The following ALMS1 variants were observed in gnomAD, a reference collection of about 807,000 sequenced individuals.
ALMS1 encodes the protein centrosome-associated protein ALMS1.
ALMS1 carries 271 observed loss-of-function variants against 352.2 expected under a neutral mutation model. That is an observed-to-expected ratio of 0.77 (90% CI 0.70 to 0.85). The LOEUF is 0.85. Ranked by LOEUF, ALMS1 falls within the 40% of genes least tolerant of loss-of-function variation. The pLI is 0.00. For synonymous variants in ALMS1, 1,865 were observed against 1,761.2 expected, an observed-to-expected ratio of 1.06 and a Z score of -1.48; for missense variants, 5,445 against 4,870.7, an observed-to-expected ratio of 1.12 and a Z score of -3.51.
At chr2:73,396,517 A>G (rs1433947624) in intron 1 of ALMS1, among the ~76,000 whole-genome samples, 1 of 140,678 alleles carries the variant, frequency 7.1e-6, no homozygotes, top group African/African-American at 2.7e-5. Context: ...ATTCTTTGAA[A>G]GTTCGATAGG....
chr2:73,562,310 C>T (rs919132835), intron 15 of ALMS1, among the ~76,000 whole-genome samples: 2 of 152,082 alleles, frequency 1.3e-5, no homozygotes. Context: ...GGACTGTAGG[C>T]ACATGCTACC....
chr2:73,601,177 A>G lies in ALMS1; in HGVS notation c.11873-18A>G, dbSNP rs1208497762. On this transcript the variant is annotated intron_variant, in intron 18 of 22. Transcript: ENST00000613296. ...AAAGTGAAAAATCTGTGTTCCTTCT[A>G]AAAACTGTTTCCTGTAGGAGTTTCC... 1 of 1,613,952 alleles carries G rather than the reference A, an allele frequency of 6.2e-7. No individual in the cohort carries two copies. The highest frequency in any genetic ancestry group is 1.3e-5 in the African/African-American group (1 of 75,052).
chr2:73,517,048 C>T (rs528929392), intron 10 of ALMS1, among the ~76,000 whole-genome samples: 9 of 152,092 alleles, frequency 5.9e-5, no homozygotes, highest in Middle Eastern at 3.4e-3. Flanking sequence ...CCCAGCCTCC[C>T]ATACCACCAA....
intron 15 of ALMS1, among the ~76,000 whole-genome samples, chr2:73,562,141 T>TTGTA (rs3076386): frequency 0.02 from 2,952 of 151,322 alleles, 33 homozygotes; most frequent in African/African-American, 0.025. Flanking sequence ...GAACTTACAA[T>TTGTA]TGTATGTATG....
At position 73,424,777 on chromosome 2, in the gene ALMS1, C is replaced by G. The variant is rs745839558; in HGVS notation, c.1112C>G (p.Thr371Ser). 1 of 1,613,720 alleles carries G rather than the reference C, an allele frequency of 6.2e-7. No homozygotes were observed. Among genetic ancestry groups the G allele is most frequent in the South Asian group, 1.1e-5 (1 of 91,034 alleles). Residue 371 changes from threonine to serine, a missense_variant, in exon 5 of 23, where the codon ACT (threonine) becomes AGT (serine). Transcript: ENST00000613296. ...LADKDQVSVATSFDITDENIA... is the reference protein window; with the variant it reads ...LADKDQVSVASSFDITDENIA... ...GATAAAGATCAAGTTTCAGTTGCAA[C>G]TTCATTTGACATAACTGATGAAAAC...
chr2:73,442,130 A>G (rs1671731615), intron 7 of ALMS1, among the ~76,000 whole-genome samples: 1 of 152,132 alleles, frequency 6.6e-6, no homozygotes, highest in Non-Finnish European at 1.5e-5. Flanking sequence ...AATGTATATT[A>G]TATAATACAG....
At chr2:73,582,746 A>T (rs944346665) in intron 16 of ALMS1, among the ~76,000 whole-genome samples, 1 of 152,318 alleles carries the variant, frequency 6.6e-6, no homozygotes, top group Non-Finnish European at 1.5e-5. Flanking sequence ...TACTGTTTAC[A>T]TATACCACAT....
At chr2:73,386,693 G>A (rs1670542083) in intron 1 of ALMS1, among the ~76,000 whole-genome samples, 1 of 152,082 alleles carries the variant, frequency 6.6e-6, no homozygotes, top group Middle Eastern at 3.2e-3. Context: ...ACCATCATTT[G>A]TAGCAATAAA....
intron 10 of ALMS1, among the ~76,000 whole-genome samples, chr2:73,504,736 C>CT (rs146880962): frequency 0.035 from 5,215 of 148,662 alleles, 296 homozygotes; most frequent in African/African-American, 0.12. Context: ...CATTCATGTA[C>CT]TTTTTTTTTT....
intron 2 of ALMS1, among the ~76,000 whole-genome samples, chr2:73,412,795 C>CAAAAACA (rs1378742487): frequency 4.6e-5 from 7 of 151,374 alleles, no homozygotes; most frequent in Non-Finnish European, 7.4e-5. Flanking sequence ...GACTCTGTCT[C>CAAAAACA]AAAAACAAAA....
At chr2:73,522,429 C>G (rs1368329447) in intron 11 of ALMS1, among the ~76,000 whole-genome samples, 1 of 146,842 alleles carries the variant, frequency 6.8e-6, no homozygotes, top group Non-Finnish European at 1.5e-5. Flanking sequence ...TAGAGTGGTA[C>G]AAATATTCCT....
intron 7 of ALMS1, among the ~76,000 whole-genome samples, chr2:73,439,754 T>TG (rs1434839909): frequency 6.6e-6 from 1 of 152,092 alleles, no homozygotes; most frequent in East Asian, 1.9e-4. Context: ...TTGGCCAGGA[T>TG]GGTCTGCATC....
intron 2 of ALMS1, among the ~76,000 whole-genome samples, chr2:73,418,884 G>A (rs1003625171): frequency 9.2e-5 from 14 of 152,142 alleles, no homozygotes; most frequent in Admixed American, 6.5e-5. Flanking sequence ...TGGCAGCGGC[G>A]TACAATACAA....
intron 10 of ALMS1, among the ~76,000 whole-genome samples, chr2:73,506,793 C>T (rs556634984): frequency 6.6e-6 from 1 of 152,288 alleles, no homozygotes; most frequent in South Asian, 2.1e-4. Flanking sequence ...CCCGATTGCC[C>T]TGGCCAGAAC....
chr2:73,596,197 A>G (rs1675542451), intron 16 of ALMS1, among the ~76,000 whole-genome samples: 2 of 152,244 alleles, frequency 1.3e-5, no homozygotes, highest in Admixed American at 1.3e-4. Flanking sequence ...AACCAAAGTC[A>G]TAGAGATATT....
chr2:73,601,913 G>C (rs1573054971), intron 19 of ALMS1, among the ~76,000 whole-genome samples: 1 of 152,244 alleles, frequency 6.6e-6, no homozygotes, highest in South Asian at 2.1e-4. Context: ...TGTGGGAAGA[G>C]CTGTATTGCA....
At chr2:73,510,295 C>G (rs912369846) in intron 10 of ALMS1, among the ~76,000 whole-genome samples, 4 of 152,118 alleles carry the variant, frequency 2.6e-5, no homozygotes, top group African/African-American at 9.7e-5. Context: ...AAGAGGCATT[C>G]TGGTTTTGGA....
chr2:73,448,954 T>G lies in ALMS1; in HGVS notation c.2427T>G (p.Ser809Arg). 6.2e-7 allele frequency: 1 copy of G among 1,614,090 alleles called. No homozygotes were observed. Among genetic ancestry groups the G allele is most frequent in the Non-Finnish European group, 8.5e-7 (1 of 1,179,970 alleles). Residue 809 changes from serine (S) to arginine (R), a missense_variant, in exon 8 of 23, where the codon AGT becomes AGG. Transcript: ENST00000613296. ...CTGGCCTACCAACAGTACCCTCTAG[T>G]GCATACTCACACAGAGAGAAGCTCC... Reference protein sequence around the residue: ...QKTGLPTVPSSAYSHREKLLV... With the variant: ...QKTGLPTVPSRAYSHREKLLV...
In ALMS1 at chr2:73,453,534, T is replaced by G. The variant is rs746208159; in HGVS notation, c.7007T>G (p.Ile2336Ser). 22 of 1,613,698 alleles carry G rather than the reference T, an allele frequency of 1.4e-5. No individual in the cohort carries two copies. The highest frequency in any genetic ancestry group is 1.9e-5 in the Non-Finnish European group (22 of 1,179,972). ...SPSSRCIQKD[I>S]GTQTNLKCRR... The stretch of plus-strand genomic sequence containing the variant: ...AGCAGCAGGTGCATACAGAAGGATA[T>G]TGGCACACAGACGAATTTGAAATGC... Residue 2336 changes from isoleucine to serine, a missense_variant, in exon 8 of 23, where the codon ATT becomes AGT. Ile to Ser is a moderately radical substitution (Grantham distance 142). Transcript: ENST00000613296.
Sources: allele counts gnomAD v4.1 joint callset (sites outside exome capture counted in the v4.1 genomes callset), GRCh38; gene constraint gnomAD v4.1.1; transcripts MANE v1.5; gene names NCBI Gene and HGNC (gene_info 2026-07-23, HGNC 2026-07-21).